DIAPH3: variants seen among roughly 807,000 people sequenced by gnomAD.
The protein encoded by DIAPH3 is protein diaphanous homolog 3.
A neutral mutation model predicts 144.3 loss-of-function variants in DIAPH3; 117 were observed. That is an observed-to-expected ratio of 0.81 (90% CI 0.70 to 0.95). DIAPH3 has a LOEUF of 0.95. DIAPH3 is among the 40% of genes least tolerant of loss of function. The pLI is 0.00. For missense variants in DIAPH3, 1,421 were observed against 1,412.7 expected (o/e 1.01, Z -0.09); for synonymous variants, 519 against 488.9 (o/e 1.06, Z -0.81).
At chr13:59,966,268 GA>G (rs375794367) in intron 17 of DIAPH3, among the ~76,000 whole-genome samples, 11 of 147,534 alleles carry the variant, frequency 7.5e-5, no homozygotes, top group Non-Finnish European at 1.2e-4. Context: ...GATCTAATTG[GA>G]AAAAAAAAAG....
At chr13:59,779,114 G>GTCCATCACTC (rs2038587591) in intron 25 of DIAPH3, among the ~76,000 whole-genome samples, 1 of 152,068 alleles carries the variant, frequency 6.6e-6, no homozygotes, top group South Asian at 2.1e-4. Context: ...GTCCATCACT[G>GTCCATCACTC]TCCACCTGGA....
In DIAPH3 at chr13:59,963,384, T is replaced by C. The variant is rs1173148864; in HGVS notation, c.2074+6560A>G. ...TTTTATACAGATTTTTCTAAGAATA[T>C]ACTATACTGTTTAACATCAAAATGC... On this transcript the variant is annotated intron_variant, in intron 17 of 27. Coordinates refer to ENST00000400324, the MANE Select transcript of DIAPH3 (RefSeq NM_001042517.2). Among the ~76,000 whole-genome samples the C allele has an allele frequency of 2.0e-5, 3 of 152,186 alleles. No individual in the cohort carries two copies. In the East Asian group the frequency reaches 5.8e-4, roughly 29 times the overall value.
intron 3 of DIAPH3, among the ~76,000 whole-genome samples, chr13:60,109,962 G>A (rs1284734281): frequency 6.6e-6 from 1 of 152,166 alleles, no homozygotes; most frequent in African/African-American, 2.4e-5. Flanking sequence ...AAGTCTTTAA[G>A]TATAACTAAA....
intron 9 of DIAPH3, among the ~76,000 whole-genome samples, chr13:60,004,246 T>G (rs2052718098): frequency 6.6e-6 from 1 of 152,200 alleles, no homozygotes; most frequent in South Asian, 2.1e-4. Context: ...ATAATGCAAT[T>G]TATTAAAATG....
At chr13:60,095,800 T>C (rs1006847591) in intron 3 of DIAPH3, among the ~76,000 whole-genome samples, 1 of 152,178 alleles carries the variant, frequency 6.6e-6, no homozygotes, top group African/African-American at 2.4e-5. Flanking sequence ...ATCAAACTAT[T>C]CTGTAAATTA....
chr13:59,988,397 T>G (rs2051572970), intron 12 of DIAPH3, among the ~76,000 whole-genome samples: 1 of 151,910 alleles, frequency 6.6e-6, no homozygotes, highest in Non-Finnish European at 1.5e-5. Flanking sequence ...AAAATGAAAA[T>G]GTTTTAAATT....
chr13:60,070,949 T>C (rs1365109335), intron 4 of DIAPH3, among the ~76,000 whole-genome samples: 2 of 152,244 alleles, frequency 1.3e-5, no homozygotes, highest in Non-Finnish European at 1.5e-5. Flanking sequence ...AATTGATGTA[T>C]AATTGACATT....
intron 4 of DIAPH3, among the ~76,000 whole-genome samples, chr13:60,052,124 T>C (rs2056374908): frequency 1.3e-5 from 2 of 151,952 alleles, no homozygotes; most frequent in African/African-American, 2.4e-5. Context: ...AAACTGATGG[T>C]ATGTGTGAGA....
At position 60,159,199 on chromosome 13, in the gene DIAPH3, C is replaced by A. The variant is rs377480608; in HGVS notation, c.180+4388G>T. Among the ~76,000 whole-genome samples, 101 of 152,176 alleles carry A rather than the reference C, an allele frequency of 6.6e-4. 2 individuals are homozygous for A. Among genetic ancestry groups the A allele is most frequent in the African/African-American group, 2.4e-3 (98 of 41,518 alleles). On this transcript the variant is annotated intron_variant, in intron 1 of 27. Coordinates refer to ENST00000400324, the MANE Select transcript of DIAPH3 (RefSeq NM_001042517.2). ...CGCAGCCTGCCTATAATCAGAAAAT[C>A]AATTCTATATTCATATTATATATTA... is the stretch of plus-strand genomic sequence containing the variant.
At chr13:59,943,073 G>A (rs1053173234) in intron 17 of DIAPH3, among the ~76,000 whole-genome samples, 5 of 152,012 alleles carry the variant, frequency 3.3e-5, no homozygotes, top group African/African-American at 9.7e-5. Flanking sequence ...TAATAATCTC[G>A]TTCTCTTATG....
chr13:59,675,485 T>C (rs576186817), intron 27 of DIAPH3, among the ~76,000 whole-genome samples: 4 of 151,810 alleles, frequency 2.6e-5, no homozygotes, highest in South Asian at 2.1e-4. Flanking sequence ...CCCGGGTTCA[T>C]GCCATTCTCC....
At chr13:59,879,162 G>A in intron 21 of DIAPH3, 67 bp downstream of exon 21, 1 of 1,598,544 alleles carries the variant, frequency 6.3e-7, no homozygotes, top group Middle Eastern at 1.7e-4. Flanking sequence ...TTTAAATAAT[G>A]CAATCAGGGC....
chr13:59,928,063 T>A (rs2047840323), intron 17 of DIAPH3, among the ~76,000 whole-genome samples: 1 of 152,120 alleles, frequency 6.6e-6, no homozygotes, highest in African/African-American at 2.4e-5. Context: ...CACGCAGACT[T>A]TTTAAATCTT....
At chr13:59,940,655 T>C (rs2048482907) in intron 17 of DIAPH3, among the ~76,000 whole-genome samples, 1 of 152,180 alleles carries the variant, frequency 6.6e-6, no homozygotes. Flanking sequence ...CCAATTAAAA[T>C]GGACAGTGGG....
intron 17 of DIAPH3, among the ~76,000 whole-genome samples, chr13:59,935,040 C>T (rs113796008): frequency 2.0e-5 from 3 of 152,188 alleles, no homozygotes; most frequent in African/African-American, 7.2e-5. Context: ...TCTTGAACAA[C>T]ACGTGCTTGC....
intron 24 of DIAPH3, among the ~76,000 whole-genome samples, chr13:59,811,731 T>C (rs2040486257): frequency 1.5e-5 from 2 of 130,796 alleles, no homozygotes; most frequent in Non-Finnish European, 1.6e-5. Context: ...AGCAAGACTC[T>C]GTCTCAAAAA....
chr13:60,013,923 A>T (rs573233736), intron 7 of DIAPH3, among the ~76,000 whole-genome samples: 1 of 152,278 alleles, frequency 6.6e-6, no homozygotes, highest in South Asian at 2.1e-4. Context: ...TTAACTTTTT[A>T]TTCTTAATAA....
At chr13:60,016,495 C>T (rs1316906341) in intron 5 of DIAPH3, among the ~76,000 whole-genome samples, 1 of 152,198 alleles carries the variant, frequency 6.6e-6, no homozygotes, top group Non-Finnish European at 1.5e-5. Context: ...CCCACCCACG[C>T]ACCCAGAGCT....
intron 24 of DIAPH3, among the ~76,000 whole-genome samples, chr13:59,820,825 A>G (rs1437644921): frequency 1.3e-5 from 2 of 151,290 alleles, no homozygotes; most frequent in African/African-American, 2.4e-5. Context: ...ATACTATTTA[A>G]TACTATTTAT....
Sources: gnomAD v4.1 joint callset for allele counts (sites outside exome capture counted in the v4.1 genomes callset) on GRCh38, gnomAD v4.1.1 for gene constraint, MANE v1.5 for transcripts, NCBI Gene and HGNC (gene_info 2026-07-23, HGNC 2026-07-21) for gene names.